Variants in ODAM observed in about 807,000 individuals in gnomAD.
ODAM encodes the protein odontogenic, ameloblast associated.
A neutral mutation model predicts 48.5 loss-of-function variants in ODAM; 55 were observed. That is an observed-to-expected ratio of 1.13 (90% CI 0.91 to 1.42). The LOEUF (loss-of-function observed/expected upper bound fraction) is 1.42. Ranked by LOEUF, ODAM falls within the 40% of genes most tolerant of loss-of-function variation. The pLI, the probability that ODAM is intolerant of heterozygous loss-of-function variation, is 0.00. For synonymous variants in ODAM, 127 were observed against 107.8 expected, an observed-to-expected ratio of 1.18 and a Z score of -1.10; for missense variants, 353 against 323.6, an observed-to-expected ratio of 1.09 and a Z score of -0.70.
rs1356654589 is a variant in ODAM, at chr4:70,197,254, T to C, written c.94-20T>C. On this transcript the variant is annotated intron_variant, in intron 3 of 11. Transcript: ENST00000683306. Reference sequence around the variant, plus strand: ...TTAGTGTGTAGTAATCTTGATTTCATATTATTTTTCTTTTTCTAGTTACTT... The same window carrying C: ...TTAGTGTGTAGTAATCTTGATTTCACATTATTTTTCTTTTTCTAGTTACTT... The C allele has an allele frequency of 3.5e-6, 4 of 1,128,066 alleles. No homozygotes were observed. The highest frequency in any genetic ancestry group is 5.4e-6 in the Non-Finnish European group (4 of 740,544). 69.9% of individuals were successfully genotyped at this position (1,128,066 alleles called of 1,614,324 possible). A position where few individuals can be genotyped will look rare whatever the true frequency, so the allele number is the denominator to read the frequency against.
At chr4:70,199,884 C>G (rs1416222286) in intron 6 of ODAM, among the ~76,000 whole-genome samples, 1 of 151,750 alleles carries the variant, frequency 6.6e-6, no homozygotes, top group Non-Finnish European at 1.5e-5. Flanking sequence ...TTTCTATGAA[C>G]ACATACACAA....
In ODAM at chr4:70,196,724, T is replaced by C. The variant is rs1301485144; in HGVS notation, c.84T>C (p.Asn28=). The change falls in exon 3 of 12, where the codon AAT becomes AAC. Residue 28 remains asparagine (N), a synonymous_variant. Coordinates refer to ENST00000683306, the MANE Select transcript of ODAM (RefSeq NM_017855.4). ...LIPQRLMSAS[N]SNELLLNLNN... is the part of the protein sequence containing the mutation. Reference sequence around the variant, plus strand: ...CACAGCGTCTCATGTCTGCCAGCAATAGCAATGAGGTTAGTTTAAATAATT... The same window carrying C: ...CACAGCGTCTCATGTCTGCCAGCAACAGCAATGAGGTTAGTTTAAATAATT... 2 of 1,606,354 alleles carry C rather than the reference T, an allele frequency of 1.2e-6. No homozygotes were observed. The highest frequency in any genetic ancestry group is 1.1e-5 in the South Asian group (1 of 89,306).
At chr4:70,196,850 C>A in intron 3 of ODAM, 117 bp downstream of exon 3, 2 of 723,268 alleles carry the variant, frequency 2.8e-6, no homozygotes, top group Non-Finnish European at 4.6e-6. Context: ...TTATGTATAT[C>A]CAAGCACATT....
At chr4:70,197,823 A>G (rs1310166842) in intron 4 of ODAM, 101 bp from the exon 5 acceptor site, 2 of 832,996 alleles carry the variant, frequency 2.4e-6, no homozygotes, top group Non-Finnish European at 3.9e-6. Flanking sequence ...CATTGGAACT[A>G]TAGAAATTGT....
At chr4:70,195,857 G>T (rs544817508) in intron 1 of ODAM, 64 bp downstream of exon 1, 2 of 644,138 alleles carry the variant, frequency 3.1e-6, no homozygotes, top group Admixed American at 1.3e-4. Context: ...CTGCAGGATA[G>T]ACTATCAAGT....
At chr4:70,196,671 T>C (rs1318936833) in intron 2 of ODAM, 21 bp from the exon 3 acceptor site, 1 of 1,606,418 alleles carries the variant, frequency 6.2e-7, no homozygotes. Context: ...TTTCTGATTT[T>C]TTTTTCATTT....
At chr4:70,198,676 C>A in intron 6 of ODAM, 50 bp downstream of exon 6, 1 of 1,402,528 alleles carries the variant, frequency 7.1e-7, no homozygotes, top group Non-Finnish European at 1.0e-6. Flanking sequence ...ATACACTCTC[C>A]ACAATGCTTT....
chr4:70,202,246 TTG>T lies in ODAM; in HGVS notation c.577-8_577-7del. 2.5e-6 allele frequency: 4 copies of T among 1,607,828 alleles called. No homozygotes were observed. Among genetic ancestry groups the T allele is most frequent in the Non-Finnish European group, 3.4e-6 (4 of 1,175,066 alleles). On this transcript the variant is annotated splice_polypyrimidine_tract_variant and intron_variant, in intron 8 of 11. Transcript: ENST00000683306. ...ACTGATTTAGACTTTTTAAAACTTTTTGTGTTTTTAGGCTATATCAGGAGGAC... is the reference window on the plus strand; with the variant it reads ...ACTGATTTAGACTTTTTAAAACTTTTTGTTTTTAGGCTATATCAGGAGGAC...
In ODAM at chr4:70,201,201, A is replaced by T. The variant is rs1265008182; in HGVS notation, c.529-253A>T. 2.0e-5 allele frequency among the ~76,000 whole-genome samples: 3 copies of T among 151,868 alleles called. 1 individual carries two copies. Among genetic ancestry groups the T allele is most frequent in the African/African-American group, 4.8e-5 (2 of 41,416 alleles). On this transcript the variant is annotated intron_variant, in intron 7 of 11. Coordinates refer to ENST00000683306, the MANE Select transcript of ODAM (RefSeq NM_017855.4). ...AGAAAACTCAGAATTATGCTTTAAAAAACTGGTAGTATTAATTCTAATTGT... is the reference window on the plus strand; with the variant it reads ...AGAAAACTCAGAATTATGCTTTAAATAACTGGTAGTATTAATTCTAATTGT...
chr4:70,195,728 G>T lies in ODAM; in HGVS notation c.-81G>T. 2.0e-6 allele frequency: 2 copies of T among 979,086 alleles called. No homozygotes were observed. The highest frequency in any genetic ancestry group is 6.2e-5 in the Admixed American group (1 of 16,192). 60.6% of individuals were successfully genotyped at this position (979,086 alleles called of 1,614,324 possible). On this transcript the variant is annotated 5_prime_UTR_variant, in exon 1 of 12. Transcript: ENST00000683306. ...TTTAAGAGAAGTGCCAAGCAGTAGA[G>T]CTGAGAGAGGAAAAGAACACAGATC...
intron 9 of ODAM, 47 bp downstream of exon 9, chr4:70,202,376 G>C: frequency 7.2e-7 from 1 of 1,380,280 alleles, no homozygotes; most frequent in Non-Finnish European, 1.0e-6. Context: ...ATCAACAATT[G>C]ACAACTTACT....
intron 8 of ODAM, among the ~76,000 whole-genome samples, chr4:70,201,969 T>G (rs1348021660): frequency 6.6e-6 from 1 of 151,860 alleles, no homozygotes; most frequent in Non-Finnish European, 1.5e-5. Context: ...TGAAATTGTC[T>G]TGTTTTTTCC....
chr4:70,197,510 A>G (rs1729398020), intron 4 of ODAM, among the ~76,000 whole-genome samples, 189 bp downstream of exon 4: 1 of 152,062 alleles, frequency 6.6e-6, no homozygotes, highest in South Asian at 2.1e-4. Context: ...TTTGAACAAC[A>G]CTTATTTATT....
At position 70,202,292 on chromosome 4, in the gene ODAM, A is replaced by T. The variant is rs1437268360; in HGVS notation, c.611A>T (p.Asp204Val). The change falls in exon 9 of 12, where the codon GAT becomes GTT. Residue 204 changes from aspartate (D) to valine (V), a missense_variant. Coordinates refer to ENST00000683306, the MANE Select transcript of ODAM (RefSeq NM_017855.4). ...GGAGGACAGCAGCAACTAGCTTTTG[A>T]TCCCCAACTAGGCACAGCTCCTGAA... ...ISGGQQQLAF[D>V]PQLGTAPEIA... 6.2e-7 allele frequency: 1 copy of T among 1,611,958 alleles called. No homozygotes were observed. The highest frequency in any genetic ancestry group is 8.5e-7 in the Non-Finnish European group (1 of 1,178,722).
chr4:70,201,601 G>A lies in ODAM; in HGVS notation c.576+100G>A, dbSNP rs886676522. ...CCTTCAGCCAAAGATGACCAGGAGC[G>A]CACCTCTAATTGAACAAAATTGTAT... On this transcript the variant is annotated intron_variant, in intron 8 of 11. Transcript: ENST00000683306. 1.6e-5 allele frequency: 11 copies of A among 691,394 alleles called. No individual in the cohort carries two copies. In the East Asian group the frequency reaches 2.9e-4, roughly 18 times the overall value. The allele number at this position is 691,394 out of a possible 1,614,324, so 42.8% of individuals were successfully genotyped here.
intron 9 of ODAM, 59 bp downstream of exon 9, chr4:70,202,388 C>T (rs758354867): frequency 1.0e-5 from 13 of 1,251,874 alleles, no homozygotes; most frequent in African/African-American, 1.5e-5. Flanking sequence ...CAACTTACTG[C>T]ACTAATGTTC....
rs777117971 is a variant in ODAM, at chr4:70,202,923, G to A, written c.810+6G>A. Reference sequence around the variant, plus strand: ...CAGAGCTCCCAGAAGAGAAGGTAGAGTCATGAAAACTTCACTTTATGCAAA... The same window carrying A: ...CAGAGCTCCCAGAAGAGAAGGTAGAATCATGAAAACTTCACTTTATGCAAA... On this transcript the variant is annotated splice_donor_region_variant and intron_variant, in intron 10 of 11. Transcript: ENST00000683306. 4 of 1,593,568 alleles carry A rather than the reference G, an allele frequency of 2.5e-6. No homozygotes were observed.
Position 70,202,255 on chromosome 4 carries a change from T to C in ODAM, c.577-3T>C. The C allele has an allele frequency of 6.2e-7, 1 of 1,610,512 alleles. No homozygotes were observed. The highest frequency in any genetic ancestry group is 1.3e-5 in the African/African-American group (1 of 74,880). ...GACTTTTTAAAACTTTTTGTGTTTTTAGGCTATATCAGGAGGACAGCAGCA... is the reference window on the plus strand; with the variant it reads ...GACTTTTTAAAACTTTTTGTGTTTTCAGGCTATATCAGGAGGACAGCAGCA... On this transcript the variant is annotated splice_polypyrimidine_tract_variant and splice_region_variant and intron_variant, in intron 8 of 11. Transcript: ENST00000683306.
chr4:70,198,188 G>A (rs763518476), intron 5 of ODAM, 31 bp downstream of exon 5: 3 of 1,564,954 alleles, frequency 1.9e-6, no homozygotes, highest in Non-Finnish European at 1.8e-6. Flanking sequence ...TTTGTTCTGA[G>A]GAGAGAGAAC....
Sources: allele counts gnomAD v4.1 joint callset (sites outside exome capture counted in the v4.1 genomes callset), GRCh38; gene constraint gnomAD v4.1.1; transcripts MANE v1.5; gene names NCBI Gene and HGNC (gene_info 2026-07-23, HGNC 2026-07-21).